The following TENM1 variants were observed in gnomAD, a reference collection of about 807,000 sequenced individuals.
TENM1 encodes teneurin-1.
In TENM1, 35 loss-of-function variants were observed where a neutral mutation model predicts 174.8. The observed-to-expected ratio is 0.20, with a 90% CI of 0.15 to 0.27. TENM1 has a LOEUF of 0.27. Among genes scored for constraint, TENM1 ranks in the 10% least tolerant of loss-of-function variants. The pLI, the probability that TENM1 is intolerant of heterozygous loss-of-function variation, is 1.00. For synonymous variants in TENM1, 781 were observed against 798.7 expected, an observed-to-expected ratio of 0.98 and a Z score of 0.37; for missense variants, 1,633 against 2,130.1, an observed-to-expected ratio of 0.77 and a Z score of 4.59.
chrX:124,421,611 G>C (rs943458956), intron 24 of TENM1, among the ~76,000 whole-genome samples: 7 of 82,572 alleles, frequency 8.5e-5, no homozygotes, highest in Non-Finnish European at 1.6e-4. Flanking sequence ...TGGGGAGAAG[G>C]CTCTTTTTTT....
the TENM1 span, among the ~76,000 whole-genome samples, chrX:124,996,737 A>C: frequency 2.7e-5 from 3 of 111,022 alleles, no homozygotes; most frequent in East Asian, 8.5e-4. Flanking sequence ...CAACCTCTTG[A>C]GCATAGATCA....
chrX:124,774,989 T>C (rs754531812), intron 3 of TENM1, among the ~76,000 whole-genome samples: 61 of 111,396 alleles, frequency 5.5e-4, no homozygotes, highest in Middle Eastern at 4.6e-3. Flanking sequence ...TTATTCCATC[T>C]TGGCAGCTGC....
chrX:124,592,973 A>G lies in TENM1; in HGVS notation c.2078-27413T>C, dbSNP rs767285666. On this transcript the variant is annotated intron_variant, in intron 11 of 31. Transcript: ENST00000422452. ...AGCTACAGCTAATGTGGCTGCATATATATTTCATCCTTGTTTACTGGTAGA... is the reference window on the plus strand; with the variant it reads ...AGCTACAGCTAATGTGGCTGCATATGTATTTCATCCTTGTTTACTGGTAGA... Among the ~76,000 whole-genome samples the G allele has an allele frequency of 2.7e-5, 3 of 110,908 alleles. No individual in the cohort carries two copies. The South Asian group carries it at 1.2e-3, about 43-fold the overall frequency.
chrX:124,509,789 C>T (rs997323574), intron 18 of TENM1, among the ~76,000 whole-genome samples: 2 of 102,285 alleles, frequency 2.0e-5, no homozygotes, highest in East Asian at 3.1e-4. Flanking sequence ...GGTGTGATCA[C>T]GGCTCATTGT....
chrX:125,139,823 AACACACACACACAC>A, the TENM1 span, among the ~76,000 whole-genome samples: 1 of 78,531 alleles, frequency 1.3e-5, no homozygotes, highest in African/African-American at 4.8e-5. Context: ...AGCTGCCCTC[AACACACACACACAC>A]ACACACACAC....
intron 11 of TENM1, among the ~76,000 whole-genome samples, chrX:124,585,749 C>T (rs771107217): frequency 0.011 from 1,171 of 111,369 alleles, 21 homozygotes; most frequent in African/African-American, 0.036. Flanking sequence ...AATCCAGGAG[C>T]TGGTTTTTTG....
intron 14 of TENM1, among the ~76,000 whole-genome samples, chrX:124,561,220 T>C (rs958927896): frequency 3.6e-5 from 4 of 111,419 alleles, no homozygotes; most frequent in Non-Finnish European, 7.5e-5. Flanking sequence ...TTAATTTAAT[T>C]TGATATGATA....
chrX:124,449,501 A>G (rs984176701), intron 23 of TENM1, among the ~76,000 whole-genome samples: 1 of 112,528 alleles, frequency 8.9e-6, no homozygotes, highest in African/African-American at 3.2e-5. Context: ...ACAGAAACAG[A>G]AAAGTTGTTT....
At chrX:124,857,576 C>T (rs562680013) in intron 3 of TENM1, among the ~76,000 whole-genome samples, 3 of 111,413 alleles carry the variant, frequency 2.7e-5, no homozygotes, top group African/African-American at 9.7e-5. Flanking sequence ...GTGCTACTTA[C>T]AGTTGGGGGA....
chrX:124,994,033 A>G, the TENM1 span, among the ~76,000 whole-genome samples: 1 of 109,968 alleles, frequency 9.1e-6, no homozygotes. Flanking sequence ...GATTTGCTTT[A>G]CTCAGCTTTT....
chrX:124,900,575 T>G (rs925056164), intron 1 of TENM1, among the ~76,000 whole-genome samples: 1 of 111,499 alleles, frequency 9.0e-6, no homozygotes, highest in African/African-American at 3.3e-5. Flanking sequence ...AGATTTTTAG[T>G]TGATTGTACA....
chrX:124,651,817 A>G, intron 8 of TENM1, 97 bp downstream of exon 11: 3 of 1,102,330 alleles, frequency 2.7e-6, no homozygotes, highest in Non-Finnish European at 3.6e-6. Context: ...ACTCAAAGTG[A>G]GCAATAAGCT....
intron 4 of TENM1, among the ~76,000 whole-genome samples, chrX:124,734,090 T>C (rs7055910): frequency 0.19 from 20,828 of 110,952 alleles, 2,784 homozygotes; most frequent in African/African-American, 0.47. Flanking sequence ...AGATATACAT[T>C]GTTCTTTGCA....
chrX:124,552,181 T>C (rs2048587998), intron 14 of TENM1, among the ~76,000 whole-genome samples: 1 of 111,998 alleles, frequency 8.9e-6, no homozygotes, highest in Non-Finnish European at 1.9e-5. Context: ...AGCAAATTAA[T>C]AGTGAAAATA....
chrX:124,797,120 G>C (rs1415401269), intron 3 of TENM1, among the ~76,000 whole-genome samples: 2 of 111,825 alleles, frequency 1.8e-5, no homozygotes, highest in Non-Finnish European at 3.8e-5. Context: ...GTGTCCAAAA[G>C]TAGACTTTAA....
At chrX:124,590,965 C>G (rs2049722619) in intron 11 of TENM1, among the ~76,000 whole-genome samples, 1 of 112,004 alleles carries the variant, frequency 8.9e-6, no homozygotes, top group Non-Finnish European at 1.9e-5. Context: ...CTGAATTGGA[C>G]CCTTTATCAT....
At position 124,460,739 on chromosome X, in the gene TENM1, GA is replaced by G. The variant is rs113811946; in HGVS notation, c.3950-7249del. 1.6e-3 allele frequency among the ~76,000 whole-genome samples: 143 copies of G among 89,102 alleles called. 1 individual carries two copies. The highest frequency in any genetic ancestry group is 4.8e-3 in the South Asian group (9 of 1,865). 77.4% of individuals were successfully genotyped at this position (89,102 alleles called of 115,157 possible). Reference sequence around the variant, plus strand: ...TACCCCTGAACTTAAAGTAGAAGTTGAAAAAAAAAAAAAAGAAAATGCTAGT... The same window carrying G: ...TACCCCTGAACTTAAAGTAGAAGTTGAAAAAAAAAAAAAGAAAATGCTAGT... On this transcript the variant is annotated intron_variant, in intron 22 of 31. Transcript: ENST00000422452.
chrX:124,945,683 A>G (rs1279388801), intron 1 of TENM1, among the ~76,000 whole-genome samples: 2 of 111,365 alleles, frequency 1.8e-5, no homozygotes, highest in African/African-American at 6.5e-5. Context: ...TGAGACAGAA[A>G]AAGTCGGAGG....
chrX:125,010,556 T>G, the TENM1 span, among the ~76,000 whole-genome samples: 2 of 109,014 alleles, frequency 1.8e-5, no homozygotes, highest in Non-Finnish European at 3.8e-5. Context: ...GGCTCAAGCC[T>G]GTAATCACAG....
Sources: allele counts gnomAD v4.1 joint callset (sites outside exome capture counted in the v4.1 genomes callset), GRCh38; gene constraint gnomAD v4.1.1; transcripts MANE v1.5; gene names NCBI Gene and HGNC (gene_info 2026-07-23, HGNC 2026-07-21).